The following CEP95 variants were observed in gnomAD, a reference collection of about 807,000 sequenced individuals.
CEP95 encodes the protein centrosomal protein of 95 kDa.
In CEP95, 98 loss-of-function variants were observed where a neutral mutation model predicts 111.2. That is an observed-to-expected ratio of 0.88 (90% CI 0.75 to 1.04). CEP95 has a LOEUF of 1.04. CEP95 is among the 50% of genes least tolerant of loss of function. CEP95 has a pLI of 0.00. For synonymous variants in CEP95, 323 were observed against 327.1 expected (o/e 0.99, Z 0.14); for missense variants, 1,027 against 977.2 (o/e 1.05, Z -0.68).
chr17:64,530,086 TTA>T (rs1420585215), intron 12 of CEP95, among the ~76,000 whole-genome samples: 1 of 152,140 alleles, frequency 6.6e-6, no homozygotes. Context: ...TATGTCCCAA[TTA>T]TATATGTTAA....
At chr17:64,535,561 C>T (rs1283082533) in intron 17 of CEP95, 2 of 152,150 alleles carry the variant, frequency 1.3e-5, no homozygotes, top group Non-Finnish European at 2.9e-5. Context: ...TAATGAACAC[C>T]TTCGTCATTA....
intron 1 of CEP95, chr17:64,507,893 C>A (rs2038656397): frequency 2.0e-6 from 2 of 985,268 alleles, no homozygotes; most frequent in South Asian, 9.4e-5. Context: ...ACTTTTGGTA[C>A]AGAAACCGTT....
At position 64,522,694 on chromosome 17, in the gene CEP95, C is replaced by CT; in HGVS notation, c.716-6dup. 1 of 1,606,636 alleles carries CT rather than the reference C, an allele frequency of 6.2e-7. No individual in the cohort carries two copies. Among genetic ancestry groups the CT allele is most frequent in the Non-Finnish European group, 8.5e-7 (1 of 1,175,790 alleles). On this transcript the variant is annotated splice_region_variant and splice_polypyrimidine_tract_variant and intron_variant, in intron 7 of 19. Coordinates refer to ENST00000556440, the MANE Select transcript of CEP95 (RefSeq NM_138363.3). ...CATCGTAATATCCACTTTAATTTGT[C>CT]TTACTAGCGGAAACCCTTTCTGTGA...
Position 64,507,129 on chromosome 17 carries a change from C to G in CEP95, c.19+13C>G, listed in dbSNP as rs568354831. Reference sequence around the variant, plus strand: ...GGCTCGGATGCTGGTGAGTGTCTCCCTGGGGTCCCAGTATGTGTGGACTGA... The same window carrying G: ...GGCTCGGATGCTGGTGAGTGTCTCCGTGGGGTCCCAGTATGTGTGGACTGA... On this transcript the variant is annotated intron_variant, in intron 1 of 19. Coordinates refer to ENST00000556440, the MANE Select transcript of CEP95 (RefSeq NM_138363.3). The G allele has an allele frequency of 1.4e-5, 22 of 1,551,382 alleles. No individual in the cohort carries two copies. The highest frequency in any genetic ancestry group is 4.9e-5 in the East Asian group (2 of 40,924).
At position 64,526,124 on chromosome 17, in the gene CEP95, C is replaced by G; in HGVS notation, c.1076C>G (p.Pro359Arg). 1 of 1,613,560 alleles carries G rather than the reference C, an allele frequency of 6.2e-7. No individual in the cohort carries two copies. The highest frequency in any genetic ancestry group is 8.5e-7 in the Non-Finnish European group (1 of 1,179,736). The change falls in exon 10 of 20, where the codon CCA becomes CGA. Residue 359 changes from proline (P) to arginine (R), a missense_variant. Physicochemically the swap from Pro to Arg is moderately radical, Grantham distance 103. Transcript: ENST00000556440. ...TGCAATTCACCTTTCCCCCAGAGGC[C>G]AAGAAAGAGATTAACAGAACAAGAA... ...SSCNSPFPQRPRKRLTEQELH... is the reference protein window; with the variant it reads ...SSCNSPFPQRRRKRLTEQELH...
intron 2 of CEP95, among the ~76,000 whole-genome samples, 164 bp from the exon 3 acceptor site, chr17:64,510,009 G>A (rs2038807107): frequency 6.6e-6 from 1 of 152,110 alleles, no homozygotes; most frequent in South Asian, 2.1e-4. Context: ...AGATTCTGCT[G>A]TGTAGAGTTC....
At chr17:64,506,796 C>G (rs1009409453), upstream of CEP95, 58 of 548,788 alleles carry the variant, frequency 1.1e-4, 1 homozygote, top group Non-Finnish European at 1.8e-4. Context: ...CCCGGGCTGC[C>G]GGCTGATGTG....
chr17:64,506,987 C>T lies in CEP95; in HGVS notation c.-111C>T. On this transcript the variant is annotated 5_prime_UTR_variant, in exon 1 of 20. Coordinates refer to ENST00000556440, the MANE Select transcript of CEP95 (RefSeq NM_138363.3). ...CTTCTTTCACGCCTCCTTCCCCGCG[C>T]TTTGGTTCGTGCGTCCGCGCCCCAG... is the stretch of plus-strand genomic sequence containing the variant. The T allele has an allele frequency of 3.9e-6, 5 of 1,272,700 alleles. No individual in the cohort carries two copies. The highest frequency in any genetic ancestry group is 5.6e-6 in the Non-Finnish European group (5 of 893,650). The allele number at this position is 1,272,700 out of a possible 1,614,324, so 78.8% of individuals were successfully genotyped here. A position where few individuals can be genotyped will look rare whatever the true frequency, so the allele number is the denominator to read the frequency against.
chr17:64,522,816 C>G lies in CEP95; in HGVS notation c.830C>G (p.Pro277Arg), dbSNP rs1555678266. 6.2e-7 allele frequency: 1 copy of G among 1,613,774 alleles called. No homozygotes were observed. Among genetic ancestry groups the G allele is most frequent in the Non-Finnish European group, 8.5e-7 (1 of 1,179,830 alleles). ...YHPSEPRAPC[P>R]IGKEYLHSSH... is the part of the protein sequence containing the mutation. ...CCTTCAGAGCCTCGAGCACCCTGCC[C>G]CATAGGAAAAGAATACTTGCATTCA... The change falls in exon 8 of 20, where the codon CCC becomes CGC. Residue 277 changes from proline to arginine, a missense_variant. Coordinates refer to ENST00000556440, the MANE Select transcript of CEP95 (RefSeq NM_138363.3).
chr17:64,516,372 C>T (rs185783867), intron 4 of CEP95, among the ~76,000 whole-genome samples: 1 of 152,316 alleles, frequency 6.6e-6, no homozygotes, highest in East Asian at 1.9e-4. Context: ...TTGGAGCTTG[C>T]ATTATGTTGA....
chr17:64,526,636 G>T (rs1967844978), intron 10 of CEP95, among the ~76,000 whole-genome samples: 1 of 152,150 alleles, frequency 6.6e-6, no homozygotes, highest in South Asian at 2.1e-4. Context: ...GAAACTTAGT[G>T]ATCCATAGCA....
rs1555681107 is a variant in CEP95, at chr17:64,534,592, T to C, written c.1925T>C (p.Phe642Ser). ...CCCCTTTCCCTTTCTTAGCAAGACT[T>C]CAAGGACTGCATTCGTAGGCAAAGG... ...EYEHNKRLQD[F>S]KDCIRRQRLT... Residue 642 changes from phenylalanine to serine, a missense_variant, in exon 17 of 20, where the codon TTC becomes TCC. Physicochemically the swap from Phe to Ser is radical, Grantham distance 155. Coordinates refer to ENST00000556440, the MANE Select transcript of CEP95 (RefSeq NM_138363.3). 1 of 1,613,428 alleles carries C rather than the reference T, an allele frequency of 6.2e-7. No individual in the cohort carries two copies. Among genetic ancestry groups the C allele is most frequent in the Admixed American group, 1.7e-5 (1 of 59,990 alleles).
intron 7 of CEP95, 95 bp downstream of exon 7, chr17:64,521,622 G>C (rs1967343963): frequency 1.1e-5 from 13 of 1,151,966 alleles, no homozygotes; most frequent in Admixed American, 3.0e-5. Flanking sequence ...TGCTGTATAT[G>C]AGATCCTTTT....
chr17:64,520,311 T>A (rs2144420389), intron 6 of CEP95, among the ~76,000 whole-genome samples: 1 of 152,268 alleles, frequency 6.6e-6, no homozygotes, highest in Non-Finnish European at 1.5e-5. Flanking sequence ...GAAAAAAGAT[T>A]CAGAGAGATG....
intron 2 of CEP95, among the ~76,000 whole-genome samples, chr17:64,509,462 A>G (rs2038770564): frequency 6.6e-6 from 1 of 152,224 alleles, no homozygotes; most frequent in South Asian, 2.1e-4. Context: ...AGGCAGGTGG[A>G]TCACCTGAGG....
At chr17:64,517,390 A>G (rs1966950810) in intron 5 of CEP95, among the ~76,000 whole-genome samples, 1 of 152,184 alleles carries the variant, frequency 6.6e-6, no homozygotes, top group Non-Finnish European at 1.5e-5. Flanking sequence ...CATCTTTGCA[A>G]AAAACTTGCA....
At position 64,510,187 on chromosome 17, in the gene CEP95, C is replaced by G. The variant is rs782384777; in HGVS notation, c.163C>G (p.Pro55Ala). ...TCCCCCCCCAGACCTCATAGTTATT[C>G]CTAGGAGTCAAGAAGATGATGCACA... is the stretch of plus-strand genomic sequence containing the variant. ...GEKVPDLIVI[P>A]RSQEDDAHNV... is the part of the protein sequence containing the mutation. The change falls in exon 3 of 20, where the codon CCT becomes GCT. Residue 55 changes from proline to alanine, a missense_variant. By Grantham distance (27) the Pro-to-Ala change is conservative. Transcript: ENST00000556440. 2 of 1,603,992 alleles carry G rather than the reference C, an allele frequency of 1.2e-6. No homozygotes were observed. Among genetic ancestry groups the G allele is most frequent in the Non-Finnish European group, 1.7e-6 (2 of 1,173,366 alleles).
rs2038586317 is a variant in CEP95, at chr17:64,507,122, T to TCCCTGGG, written c.19+6_19+7insCCCTGGG. ...CATGGCAGGCTCGGATGCTGGTGAGTGTCTCCCTGGGGTCCCAGTATGTGT... is the reference window on the plus strand; with the variant it reads ...CATGGCAGGCTCGGATGCTGGTGAGTCCCTGGGGTCTCCCTGGGGTCCCAGTATGTGT... On this transcript the variant is annotated splice_region_variant and intron_variant, in intron 1 of 19. Coordinates refer to ENST00000556440, the MANE Select transcript of CEP95 (RefSeq NM_138363.3). 6.4e-7 allele frequency: 1 copy of TCCCTGGG among 1,551,308 alleles called. No homozygotes were observed. Among genetic ancestry groups the TCCCTGGG allele is most frequent in the Non-Finnish European group, 8.7e-7 (1 of 1,146,910 alleles).
Position 64,514,306 on chromosome 17 carries a change from T to C in CEP95, c.315T>C (p.Asp105=), listed in dbSNP as rs1555675873. The change falls in exon 4 of 20, where the codon GAT becomes GAC. Residue 105 remains aspartate (D), a synonymous_variant. Transcript: ENST00000556440. ...ESIKNLLEIF[D]GLLEYLTERI... ...TTAAGAATCTCCTGGAAATATTTGA[T>C]GGTTTGTTGGAGTATCTTACAGAAC... The C allele has an allele frequency of 6.6e-7, 1 of 1,519,398 alleles. No homozygotes were observed. 94.1% of individuals were successfully genotyped at this position (1,519,398 alleles called of 1,614,324 possible).
Sources: gnomAD v4.1 joint callset for allele counts (sites outside exome capture counted in the v4.1 genomes callset) on GRCh38, gnomAD v4.1.1 for gene constraint, MANE v1.5 for transcripts, NCBI Gene and HGNC (gene_info 2026-07-23, HGNC 2026-07-21) for gene names.